The following RALGPS2 variants were observed in gnomAD, a reference collection of about 807,000 sequenced individuals.
RALGPS2 encodes ras-specific guanine nucleotide-releasing factor RalGPS2.
Under a neutral mutation model 86.8 loss-of-function variants are expected in RALGPS2, and 43 were observed. The ratio of observed to expected loss-of-function variants is 0.50; its 90% CI spans 0.39 to 0.64. The LOEUF is 0.64. Among genes scored for constraint, RALGPS2 ranks in the 30% least tolerant of loss-of-function variants. RALGPS2 has a pLI of 0.00. For missense variants in RALGPS2, 536 were observed against 694.6 expected, an observed-to-expected ratio of 0.77 and a Z score of 2.57; for synonymous variants, 243 against 231.3, an observed-to-expected ratio of 1.05 and a Z score of -0.46.
intron 6 of RALGPS2, among the ~76,000 whole-genome samples, chr1:178,818,095 T>C (rs1170965750): frequency 6.6e-6 from 1 of 152,168 alleles, no homozygotes; most frequent in Non-Finnish European, 1.5e-5. Context: ...GCATGGTGGC[T>C]CACGCCTGTA....
chr1:178,917,612 C>T lies in RALGPS2; in HGVS notation c.*1253C>T, dbSNP rs565932996. ...AAACATTTTTCTGAAAATTTACTGTCGGTCTCTGACATGAAACCGTATTTT... is the reference window on the plus strand; with the variant it reads ...AAACATTTTTCTGAAAATTTACTGTTGGTCTCTGACATGAAACCGTATTTT... On this transcript the variant is annotated 3_prime_UTR_variant, in exon 20 of 20. Coordinates refer to ENST00000367635, the MANE Select transcript of RALGPS2 (RefSeq NM_152663.5). 3.3e-5 allele frequency: 5 copies of T among 152,174 alleles called. No individual in the cohort carries two copies. The highest frequency in any genetic ancestry group is 7.4e-5 in the Non-Finnish European group (5 of 67,980). 9.4% of individuals were successfully genotyped at this position (152,174 alleles called of 1,614,324 possible). A position where few individuals can be genotyped will look rare whatever the true frequency, so the allele number is the denominator to read the frequency against.
intron 1 of RALGPS2, among the ~76,000 whole-genome samples, chr1:178,726,771 A>G (rs767682386): frequency 1.3e-5 from 2 of 152,200 alleles, no homozygotes; most frequent in Non-Finnish European, 1.5e-5. Context: ...AGTTTCTTTG[A>G]AGATGACCAT....
chr1:178,791,187 C>T (rs1180201123), intron 4 of RALGPS2, among the ~76,000 whole-genome samples: 1 of 151,970 alleles, frequency 6.6e-6, no homozygotes, highest in Non-Finnish European at 1.5e-5. Context: ...GTGGCATGAT[C>T]ACGGCCCACT....
chr1:178,790,921 A>G (rs913284584), intron 4 of RALGPS2, among the ~76,000 whole-genome samples: 8 of 152,206 alleles, frequency 5.3e-5, no homozygotes, highest in African/African-American at 2.4e-5. Flanking sequence ...ACTGGAGGAT[A>G]AAGGAATTCT....
At chr1:178,817,136 G>A (rs906642507) in intron 6 of RALGPS2, among the ~76,000 whole-genome samples, 1 of 151,636 alleles carries the variant, frequency 6.6e-6, no homozygotes, top group African/African-American at 2.4e-5. Context: ...GAGGCGGGCA[G>A]ATCACTTGAG....
chr1:178,871,860 C>T (rs190416346), intron 8 of RALGPS2, among the ~76,000 whole-genome samples: 4 of 152,300 alleles, frequency 2.6e-5, no homozygotes, highest in Admixed American at 2.6e-4. Context: ...AGACAAATCA[C>T]TTTACCTGCC....
At chr1:178,855,457 T>C (rs1657471131) in intron 8 of RALGPS2, among the ~76,000 whole-genome samples, 1 of 152,002 alleles carries the variant, frequency 6.6e-6, no homozygotes, top group African/African-American at 2.4e-5. Flanking sequence ...ATGTTTATTA[T>C]AGTTCATTGA....
At position 178,751,919 on chromosome 1, in the gene RALGPS2, G is replaced by GT. The variant is rs35048675; in HGVS notation, c.-83-24755dup. Among the ~76,000 whole-genome samples the GT allele has an allele frequency of 8.6e-5, 13 of 151,890 alleles. No homozygotes were observed. In the East Asian group the frequency reaches 1.9e-3, roughly 23 times the overall value. ...GATCTTTACTATTAGAGCAAAAAAC[G>GT]TTTTTTTTCCTAGTCGGTTGCTGAT... is the stretch of plus-strand genomic sequence containing the variant. On this transcript the variant is annotated intron_variant, in intron 1 of 19. Coordinates refer to ENST00000367635, the MANE Select transcript of RALGPS2 (RefSeq NM_152663.5).
Position 178,919,807 on chromosome 1 carries a change from G to A in RALGPS2, c.*3448G>A, listed in dbSNP as rs1041594465. ...TTACAACCAGTGTTTAAACCACCAC[G>A]TAATCATCTTCTGCAAACAAGGGGT... On this transcript the variant is annotated 3_prime_UTR_variant, in exon 20 of 20. Coordinates refer to ENST00000367635, the MANE Select transcript of RALGPS2 (RefSeq NM_152663.5). The A allele has an allele frequency of 2.6e-5, 4 of 151,918 alleles. No homozygotes were observed. Among genetic ancestry groups the A allele is most frequent in the African/African-American group, 7.2e-5 (3 of 41,414 alleles). The allele number at this position is 151,918 out of a possible 1,614,324, so 9.4% of individuals were successfully genotyped here. A position where few individuals can be genotyped will look rare whatever the true frequency, so the allele number is the denominator to read the frequency against.
intron 8 of RALGPS2, among the ~76,000 whole-genome samples, chr1:178,838,360 G>C (rs1032200841): frequency 1.4e-4 from 22 of 152,208 alleles, no homozygotes; most frequent in Admixed American, 3.9e-4. Context: ...AACATTTGCT[G>C]TTCAGCAATA....
intron 6 of RALGPS2, among the ~76,000 whole-genome samples, chr1:178,811,992 G>T (rs184428285): frequency 1.7e-4 from 26 of 152,290 alleles, no homozygotes; most frequent in African/African-American, 5.5e-4. Flanking sequence ...TCTGAATTTG[G>T]TTGGAGGGGC....
chr1:178,897,602 T>A, intron 16 of RALGPS2, 62 bp from the exon 17 acceptor site: 2 of 1,354,272 alleles, frequency 1.5e-6, no homozygotes, highest in Middle Eastern at 1.8e-4. Context: ...GCACTTAGAA[T>A]GTAAAGAAAC....
Position 178,785,435 on chromosome 1 carries a change from A to G in RALGPS2, c.163-122A>G, listed in dbSNP as rs531469585. On this transcript the variant is annotated intron_variant, in intron 3 of 19. Coordinates refer to ENST00000367635, the MANE Select transcript of RALGPS2 (RefSeq NM_152663.5). ...GTACAGGGGCTAAATTTTGTTTTCC[A>G]TAAGCCCTTATAAAATTGAGTATTT... 20 of 1,066,248 alleles carry G rather than the reference A, an allele frequency of 1.9e-5. No individual in the cohort carries two copies. In the African/African-American group the frequency reaches 2.0e-4, roughly 11 times the overall value. The allele number at this position is 1,066,248 out of a possible 1,614,324, so 66.0% of individuals were successfully genotyped here. A position where few individuals can be genotyped will look rare whatever the true frequency, so the allele number is the denominator to read the frequency against.
intron 8 of RALGPS2, among the ~76,000 whole-genome samples, chr1:178,834,853 C>T (rs1656195703): frequency 6.6e-6 from 1 of 152,236 alleles, no homozygotes. Flanking sequence ...TCGCTGCTTG[C>T]TGCAGCCTCT....
At chr1:178,873,849 T>G (rs1658877787) in intron 8 of RALGPS2, among the ~76,000 whole-genome samples, 2 of 152,204 alleles carry the variant, frequency 1.3e-5, no homozygotes, top group South Asian at 4.1e-4. Context: ...TTAAATTTTA[T>G]TTAATAAATG....
At chr1:178,784,295 C>T (rs1046337506) in intron 2 of RALGPS2, 123 bp from the exon 3 acceptor site, 1 of 578,564 alleles carries the variant, frequency 1.7e-6, no homozygotes. Context: ...ATGTTGTGCT[C>T]AGCTTTTCTG....
At chr1:178,912,062 G>C (rs1660650689) in intron 19 of RALGPS2, among the ~76,000 whole-genome samples, 1 of 152,050 alleles carries the variant, frequency 6.6e-6, no homozygotes, top group Non-Finnish European at 1.5e-5. Context: ...GATAAATCTT[G>C]CTCCTTACCT....
intron 19 of RALGPS2, among the ~76,000 whole-genome samples, chr1:178,908,340 C>T (rs531847616): frequency 6.6e-5 from 10 of 152,328 alleles, no homozygotes; most frequent in South Asian, 2.1e-4. Context: ...CCACTGTTGA[C>T]AGGCACGTAG....
At chr1:178,794,812 G>C (rs1470142947) in intron 4 of RALGPS2, among the ~76,000 whole-genome samples, 1 of 152,110 alleles carries the variant, frequency 6.6e-6, no homozygotes. Context: ...GATACTGTTT[G>C]CCTCTTTTAT....
Sources: gnomAD v4.1 joint callset for allele counts (sites outside exome capture counted in the v4.1 genomes callset) on GRCh38, gnomAD v4.1.1 for gene constraint, MANE v1.5 for transcripts, NCBI Gene and HGNC (gene_info 2026-07-23, HGNC 2026-07-21) for gene names.